The following MDFIC2 variants were observed in gnomAD, a reference collection of about 807,000 sequenced individuals.
MDFIC2 encodes MyoD family inhibitor domain containing 2.
Position 70,295,141 on chromosome 3 carries a change from G to A in MDFIC2, c.88+16745C>T, listed in dbSNP as rs1259899559. Among the ~76,000 whole-genome samples, 6 of 152,170 alleles carry A rather than the reference G, an allele frequency of 3.9e-5. No homozygotes were observed. The East Asian group carries it at 9.6e-4, about 24-fold the overall frequency. On this transcript the variant is annotated intron_variant, in intron 2 of 3. Coordinates refer to ENST00000567252, the MANE Select transcript of MDFIC2 (RefSeq NM_001364677.1). ...AATTCTTCCAACTTCTGAGATGGGT[G>A]ATGGAGTCACCCTGGAAATGCATGA...
chr3:70,267,638 G>T (rs554160123), intron 2 of MDFIC2, among the ~76,000 whole-genome samples: 62 of 130,370 alleles, frequency 4.8e-4, no homozygotes, highest in Admixed American at 8.3e-4. Context: ...GAATGGTCTT[G>T]ACCTCCTGAC....
intron 2 of MDFIC2, among the ~76,000 whole-genome samples, chr3:70,225,507 A>G (rs144686440): frequency 6.6e-6 from 1 of 152,266 alleles, no homozygotes; most frequent in East Asian, 1.9e-4. Context: ...GCAAATTTCT[A>G]TTATTCTAGT....
intron 2 of MDFIC2, among the ~76,000 whole-genome samples, chr3:70,291,401 T>C (rs1702238420): frequency 6.6e-6 from 1 of 152,198 alleles, no homozygotes; most frequent in East Asian, 1.9e-4. Flanking sequence ...ATAACAAATA[T>C]ATCGTATTAC....
intron 2 of MDFIC2, among the ~76,000 whole-genome samples, chr3:70,248,809 G>A (rs975189415): frequency 1.3e-5 from 2 of 152,048 alleles, no homozygotes; most frequent in Non-Finnish European, 2.9e-5. Context: ...TATTGAGTAG[G>A]CTACCATGTG....
intron 2 of MDFIC2, among the ~76,000 whole-genome samples, chr3:70,256,036 C>A (rs1336808960): frequency 6.6e-6 from 1 of 152,056 alleles, no homozygotes; most frequent in African/African-American, 2.4e-5. Context: ...TAGTACCACC[C>A]CAAATTATTT....
At chr3:70,254,909 A>G (rs929875159) in intron 2 of MDFIC2, among the ~76,000 whole-genome samples, 2 of 152,300 alleles carry the variant, frequency 1.3e-5, no homozygotes, top group Middle Eastern at 3.4e-3. Flanking sequence ...TCCTTTTCCG[A>G]CTGTAACATT....
rs185972036 is a variant in MDFIC2 at position 70,224,508 on chromosome 3, T to C, written c.89-17718A>G. Among the ~76,000 whole-genome samples, 5 of 152,314 alleles carry C rather than the reference T, an allele frequency of 3.3e-5. No homozygotes were observed. The East Asian group carries it at 9.7e-4, about 29-fold the overall frequency. On this transcript the variant is annotated intron_variant, in intron 2 of 3. Coordinates refer to ENST00000567252, the MANE Select transcript of MDFIC2 (RefSeq NM_001364677.1). Reference sequence around the variant, plus strand: ...GGCAGCACTTAATGAGTGTGTTCTCTGAAGATAGGAAAGCACCCTGCAGAG... The same window carrying C: ...GGCAGCACTTAATGAGTGTGTTCTCCGAAGATAGGAAAGCACCCTGCAGAG...
chr3:70,269,198 C>CA (rs1305208309), intron 2 of MDFIC2, among the ~76,000 whole-genome samples: 1 of 151,994 alleles, frequency 6.6e-6, no homozygotes, highest in Non-Finnish European at 1.5e-5. Flanking sequence ...TATTCACATA[C>CA]AATACTCATA....
intron 2 of MDFIC2, among the ~76,000 whole-genome samples, chr3:70,273,617 C>T (rs189902949): frequency 6.6e-6 from 1 of 152,240 alleles, no homozygotes; most frequent in East Asian, 1.9e-4. Context: ...TTTATAAGAG[C>T]ATTTTGACAG....
intron 2 of MDFIC2, among the ~76,000 whole-genome samples, chr3:70,217,783 T>A (rs545595651): frequency 6.2e-4 from 95 of 152,276 alleles, no homozygotes; most frequent in African/African-American, 2.1e-3. Flanking sequence ...TACTGAATGA[T>A]CATTGAACCT....
chr3:70,304,462 G>A (rs1477628039), intron 2 of MDFIC2, among the ~76,000 whole-genome samples: 1 of 152,098 alleles, frequency 6.6e-6, no homozygotes, highest in African/African-American at 2.4e-5. Context: ...GCTCTACCCA[G>A]ATCTTTGGCT....
chr3:70,232,556 C>A (rs1037730514), intron 2 of MDFIC2, among the ~76,000 whole-genome samples: 4 of 151,930 alleles, frequency 2.6e-5, no homozygotes, highest in Non-Finnish European at 1.5e-5. Context: ...CCCGCCACCA[C>A]GCCTGGCTAT....
chr3:70,271,494 A>G (rs1480353425), intron 2 of MDFIC2, among the ~76,000 whole-genome samples: 2 of 152,180 alleles, frequency 1.3e-5, no homozygotes, highest in African/African-American at 4.8e-5. Context: ...CTGAATTTTA[A>G]ATGTTATTTT....
chr3:70,251,086 C>T (rs570276685), intron 2 of MDFIC2, among the ~76,000 whole-genome samples: 145 of 152,278 alleles, frequency 9.5e-4, no homozygotes, highest in African/African-American at 3.2e-3. Context: ...AAACCAAACT[C>T]GTAATACCCA....
chr3:70,255,997 A>G (rs966250850), intron 2 of MDFIC2, among the ~76,000 whole-genome samples: 5 of 152,204 alleles, frequency 3.3e-5, no homozygotes, highest in African/African-American at 9.7e-5. Context: ...TTCTTTCTCC[A>G]CTGGCATTGA....
chr3:70,208,866 T>C (rs780115657), intron 2 of MDFIC2, among the ~76,000 whole-genome samples: 1 of 152,116 alleles, frequency 6.6e-6, no homozygotes, highest in Non-Finnish European at 1.5e-5. Context: ...TCCTTTTATG[T>C]GCTGGCTTTA....
Position 70,197,104 on chromosome 3 carries a change from GTTTC to G in MDFIC2, c.388_391del (p.Glu130ArgfsTer64). 2.5e-6 allele frequency: 1 copy of G among 398,440 alleles called. No homozygotes were observed. Among genetic ancestry groups the G allele is most frequent in the African/African-American group, 2.1e-5 (1 of 48,592 alleles). 24.7% of individuals were successfully genotyped at this position (398,440 alleles called of 1,614,324 possible). A position where few individuals can be genotyped will look rare whatever the true frequency, so the allele number is the denominator to read the frequency against. On this transcript the variant is annotated frameshift_variant, in exon 4 of 4. Coordinates refer to ENST00000567252, the MANE Select transcript of MDFIC2 (RefSeq NM_001364677.1). LOFTEE classifies it high-confidence loss of function. ...GGGGCAGCACATTTTGGTACACACC[GTTTC>G]GCAGGTGCCGGGGAGCATCAGGAGA...
chr3:70,234,060 A>C (rs1701586656), intron 2 of MDFIC2, among the ~76,000 whole-genome samples: 1 of 152,148 alleles, frequency 6.6e-6, no homozygotes, highest in Admixed American at 6.5e-5. Flanking sequence ...TTTTTGACAA[A>C]CTTTAATAAA....
intron 2 of MDFIC2, among the ~76,000 whole-genome samples, chr3:70,308,312 C>T (rs1202156817): frequency 6.6e-6 from 1 of 151,988 alleles, no homozygotes; most frequent in Non-Finnish European, 1.5e-5. Flanking sequence ...TTCCCATCTT[C>T]TCCAAAAGTG....
Sources: gnomAD v4.1 joint callset for allele counts (sites outside exome capture counted in the v4.1 genomes callset) on GRCh38, gnomAD v4.1.1 for gene constraint, MANE v1.5 for transcripts, NCBI Gene and HGNC (gene_info 2026-07-23, HGNC 2026-07-21) for gene names.